TRIM16: variants seen among roughly 807,000 people sequenced by gnomAD.
TRIM16 encodes the protein tripartite motif containing 16.
A neutral mutation model predicts 50.4 loss-of-function variants in TRIM16; 33 were observed. The ratio of observed to expected loss-of-function variants is 0.65; its 90% CI spans 0.50 to 0.88. TRIM16 has a LOEUF of 0.88. Ranked by LOEUF, TRIM16 falls within the 40% of genes least tolerant of loss-of-function variation. The probability of loss-of-function intolerance (pLI) is 0.00; values close to 1 mark genes in which losing one functional copy is unlikely to be tolerated. For missense variants in TRIM16, 581 were observed against 686.8 expected (o/e 0.85, Z 1.72); for synonymous variants, 229 against 270.7 (o/e 0.85, Z 1.51).
At chr17:15,682,712 G>A in intron 3 of TRIM16, 142 bp downstream of exon 3, 1 of 746,126 alleles carries the variant, frequency 1.3e-6, no homozygotes, top group South Asian at 2.5e-5. Context: ...TCTCTTCCAA[G>A]GAGTCCGACT....
intron 6 of TRIM16, among the ~76,000 whole-genome samples, chr17:15,672,873 A>T (rs1367790408): frequency 6.6e-6 from 1 of 152,224 alleles, no homozygotes; most frequent in African/African-American, 2.4e-5. Context: ...AACTGTTCTG[A>T]TTTCAAATAT....
intron 4 of TRIM16, among the ~76,000 whole-genome samples, chr17:15,678,985 C>G (rs1328319072): frequency 5.9e-5 from 9 of 151,430 alleles, no homozygotes; most frequent in African/African-American, 2.2e-4. Flanking sequence ...AAGCGATTCT[C>G]CTGCCTCAGC....
chr17:15,629,426 T>C (rs1265055389), intron 11 of TRIM16, among the ~76,000 whole-genome samples: 5 of 152,262 alleles, frequency 3.3e-5, no homozygotes, highest in Admixed American at 6.5e-5. Context: ...TTGCTTGACA[T>C]TGATGATATT....
Position 15,636,374 on chromosome 17 carries a change from T to C in TRIM16, c.616-105A>G, listed in dbSNP as rs542923139. 9.4e-6 allele frequency: 11 copies of C among 1,176,398 alleles called. 1 individual carries two copies. The Admixed American group carries it at 1.6e-4, about 17-fold the overall frequency. The allele number at this position is 1,176,398 out of a possible 1,614,324, so 72.9% of individuals were successfully genotyped here. ...ATGTCAGCTTGAGAAACACATATAT[T>C]AGGGAGCAGTTCCCTATTGTAAAAG... On this transcript the variant is annotated intron_variant, in intron 8 of 11. Coordinates refer to ENST00000649191, the MANE Select transcript of TRIM16 (RefSeq NM_001348119.1).
rs896297646 is a variant in TRIM16 at position 15,639,227 on chromosome 17, G to A, written c.616-2958C>T. Among the ~76,000 whole-genome samples, 502 of 144,164 alleles carry A rather than the reference G, an allele frequency of 3.5e-3. 18 individuals carry two copies. The highest frequency in any genetic ancestry group is 0.013 in the African/African-American group (477 of 37,996). The allele number at this position is 144,164 out of a possible 152,430, so 94.6% of individuals were successfully genotyped here. A position where few individuals can be genotyped will look rare whatever the true frequency, so the allele number is the denominator to read the frequency against. ...TGCCCAACTAATTTTTATATTTTTTGTAGAGATAGGAGCTTACTACGTTGC... is the reference window on the plus strand; with the variant it reads ...TGCCCAACTAATTTTTATATTTTTTATAGAGATAGGAGCTTACTACGTTGC... On this transcript the variant is annotated intron_variant, in intron 8 of 11. Transcript: ENST00000649191.
At chr17:15,648,116 C>T (rs958089796) in intron 7 of TRIM16, among the ~76,000 whole-genome samples, 11 of 151,940 alleles carry the variant, frequency 7.2e-5, no homozygotes, top group African/African-American at 2.4e-4. Context: ...GTCCCAGCTA[C>T]TCGGGAGGCT....
chr17:15,665,514 T>C (rs1988459982), intron 6 of TRIM16, among the ~76,000 whole-genome samples: 1 of 151,732 alleles, frequency 6.6e-6, no homozygotes, highest in Non-Finnish European at 1.5e-5. Flanking sequence ...ATCTAAAAAA[T>C]AAAAAGAATA....
chr17:15,651,357 T>C lies in TRIM16; in HGVS notation c.253A>G (p.Arg85Gly). The C allele has an allele frequency of 1.2e-6, 2 of 1,614,232 alleles. No homozygotes were observed. Among genetic ancestry groups the C allele is most frequent in the Non-Finnish European group, 1.7e-6 (2 of 1,180,042 alleles). ...CAGGACTTCACTGCCTTCACTCTTC[T>C]GGTGTCATCAAGGCAGAAGTCACAC... Reference protein sequence around the residue: ...VLCDFCLDDTRRVKAVKSCLT... With the variant: ...VLCDFCLDDTGRVKAVKSCLT... Residue 85 changes from arginine to glycine, a missense_variant, in exon 7 of 12, where the codon AGA (arginine) becomes GGA (glycine). Coordinates refer to ENST00000649191, the MANE Select transcript of TRIM16 (RefSeq NM_001348119.1).
In TRIM16 at chr17:15,682,849, C is replaced by T; in HGVS notation, c.-679+5G>A. The T allele has an allele frequency of 7.0e-7, 1 of 1,429,196 alleles. No homozygotes were observed. The highest frequency in any genetic ancestry group is 9.1e-7 in the Non-Finnish European group (1 of 1,096,032). 88.5% of individuals were successfully genotyped at this position (1,429,196 alleles called of 1,614,324 possible). On this transcript the variant is annotated splice_donor_5th_base_variant and intron_variant, in intron 3 of 11. Coordinates refer to ENST00000649191, the MANE Select transcript of TRIM16 (RefSeq NM_001348119.1). ...TAAAATCACCACCATTCTTCGCACA[C>T]TCACCACGCACCAGGTGCTTTCCAT...
chr17:15,656,689 C>A (rs745846542), intron 6 of TRIM16, among the ~76,000 whole-genome samples: 1 of 152,188 alleles, frequency 6.6e-6, no homozygotes, highest in Non-Finnish European at 1.5e-5. Flanking sequence ...CCCTCTACCC[C>A]AGCTCTGTTA....
Position 15,629,064 on chromosome 17 carries a change from G to T in TRIM16, c.1246C>A (p.Arg416=). ...PDLPSRFLHW[R]QVLSQQSLYL... The stretch of plus-strand genomic sequence containing the variant: ...AGACTCTGCTGGGACAGCACCTGCC[G>T]CCAGTGCAGGAACCTGCTGGGGAGG... The change falls in exon 12 of 12, where the codon CGG becomes AGG. Residue 416 remains arginine (R), a synonymous_variant. Coordinates refer to ENST00000649191, the MANE Select transcript of TRIM16 (RefSeq NM_001348119.1). 1 of 1,613,912 alleles carries T rather than the reference G, an allele frequency of 6.2e-7. No homozygotes were observed. The highest frequency in any genetic ancestry group is 8.5e-7 in the Non-Finnish European group (1 of 1,179,840).
chr17:15,637,208 G>A (rs1299850465), intron 8 of TRIM16, among the ~76,000 whole-genome samples: 7 of 140,302 alleles, frequency 5.0e-5, no homozygotes, highest in African/African-American at 1.1e-4. Context: ...CGTGCCGTCC[G>A]GGAGGGAGGT....
At chr17:15,646,725 C>T in intron 7 of TRIM16, among the ~76,000 whole-genome samples, 1 of 151,436 alleles carries the variant, frequency 6.6e-6, no homozygotes, top group Admixed American at 6.6e-5. Flanking sequence ...CCAGACTGTG[C>T]CAGTTCCTTT....
intron 6 of TRIM16, among the ~76,000 whole-genome samples, chr17:15,655,045 G>A (rs528044371): frequency 4.1e-4 from 63 of 152,256 alleles, no homozygotes; most frequent in Admixed American, 1.2e-3. Context: ...AGCCATACAG[G>A]CTTCTGTCAG....
intron 4 of TRIM16, among the ~76,000 whole-genome samples, chr17:15,679,713 A>G (rs1331690379): frequency 9.2e-5 from 14 of 152,050 alleles, no homozygotes; most frequent in Non-Finnish European, 1.0e-4. Flanking sequence ...CGAGGCGGGC[A>G]GATCACAAGG....
At chr17:15,662,260 C>T (rs1343855828) in intron 6 of TRIM16, among the ~76,000 whole-genome samples, 3 of 152,162 alleles carry the variant, frequency 2.0e-5, no homozygotes, top group Non-Finnish European at 4.4e-5. Context: ...AATGGGGACT[C>T]CCAATGATGG....
intron 6 of TRIM16, among the ~76,000 whole-genome samples, chr17:15,668,489 T>C (rs1200751917): frequency 6.6e-6 from 1 of 152,186 alleles, no homozygotes; most frequent in East Asian, 1.9e-4. Flanking sequence ...AGATCCAAAT[T>C]TGAAAATGGC....
At chr17:15,654,713 T>C (rs1265776434) in intron 6 of TRIM16, among the ~76,000 whole-genome samples, 4 of 152,226 alleles carry the variant, frequency 2.6e-5, no homozygotes, top group African/African-American at 7.2e-5. Context: ...CATGTCTTAA[T>C]TGAATAACTG....
At chr17:15,674,692 T>A (rs1431328181) in intron 6 of TRIM16, among the ~76,000 whole-genome samples, 3 of 152,154 alleles carry the variant, frequency 2.0e-5, no homozygotes, top group Non-Finnish European at 4.4e-5. Context: ...TTCTTGCCAT[T>A]TTGGACCAGC....
Sources: gnomAD v4.1 joint callset for allele counts (sites outside exome capture counted in the v4.1 genomes callset) on GRCh38, gnomAD v4.1.1 for gene constraint, MANE v1.5 for transcripts, NCBI Gene and HGNC (gene_info 2026-07-23, HGNC 2026-07-21) for gene names.